SLC8A1: variants seen among roughly 807,000 people sequenced by gnomAD.
SLC8A1 encodes sodium/calcium exchanger 1.
Under a neutral mutation model 68.3 loss-of-function variants are expected in SLC8A1, and 18 were observed. The ratio of observed to expected loss-of-function variants is 0.26; its 90% CI spans 0.18 to 0.39. The LOEUF (loss-of-function observed/expected upper bound fraction) is 0.39, where lower values mean the gene tolerates loss of function less well. SLC8A1 is among the 10% of genes least tolerant of loss of function. The pLI is 1.00. For synonymous variants in SLC8A1, 475 were observed against 415.5 expected, an observed-to-expected ratio of 1.14 and a Z score of -1.74; for missense variants, 985 against 1,156.7, an observed-to-expected ratio of 0.85 and a Z score of 2.15.
intron 1 of SLC8A1, among the ~76,000 whole-genome samples, chr2:40,458,283 A>T (rs1433246713): frequency 6.6e-6 from 1 of 152,168 alleles, no homozygotes; most frequent in Non-Finnish European, 1.5e-5. Flanking sequence ...TGAGTCCCTA[A>T]GGGGCAGGTA....
exon 8 of SLC8A1, chr2:40,107,844 C>T (rs1381632969): frequency 6.6e-6 from 1 of 152,154 alleles, no homozygotes; most frequent in Non-Finnish European, 1.5e-5. Flanking sequence ...ATGTCTGATC[C>T]TCATATAAAC....
intron 2 of SLC8A1, among the ~76,000 whole-genome samples, chr2:40,286,151 T>C (rs1439692561): frequency 2.6e-5 from 4 of 152,190 alleles, no homozygotes; most frequent in African/African-American, 9.7e-5. Context: ...TCAATGAATA[T>C]AATTCCCTAC....
At chr2:40,427,358 G>A (rs781447576) in intron 2 of SLC8A1, among the ~76,000 whole-genome samples, 4 of 151,922 alleles carry the variant, frequency 2.6e-5, no homozygotes, top group South Asian at 2.1e-4. Context: ...TGCCATTATC[G>A]TAAGAGTTAA....
chr2:40,395,273 T>C (rs534725716), intron 2 of SLC8A1, among the ~76,000 whole-genome samples: 1 of 152,148 alleles, frequency 6.6e-6, no homozygotes, highest in Admixed American at 6.6e-5. Flanking sequence ...CCGGCCTGAG[T>C]CTCCTGACTG....
chr2:40,410,097 G>A (rs1431883233), intron 2 of SLC8A1, among the ~76,000 whole-genome samples: 1 of 152,120 alleles, frequency 6.6e-6, no homozygotes, highest in Admixed American at 6.6e-5. Context: ...AAAACTTTAT[G>A]TTTTAACTTT....
exon 8 of SLC8A1, chr2:40,105,695 G>A (rs2034151523): frequency 1.3e-5 from 2 of 152,168 alleles, no homozygotes; most frequent in East Asian, 3.9e-4. Context: ...TGATTGAGCT[G>A]CATGAATCTG....
At chr2:40,455,306 A>G (rs1445959311), upstream of SLC8A1, among the ~76,000 whole-genome samples, 3 of 152,190 alleles carry the variant, frequency 2.0e-5, no homozygotes, top group Non-Finnish European at 4.4e-5. Flanking sequence ...TTACTAAAGC[A>G]CTCAATATGT....
At chr2:40,122,199 C>CACGT (rs1558434047) in intron 7 of SLC8A1, among the ~76,000 whole-genome samples, 3 of 90,168 alleles carry the variant, frequency 3.3e-5, no homozygotes, top group South Asian at 3.8e-4. Context: ...CAAGTGCATG[C>CACGT]GCGCGCGCAC....
chr2:40,177,804 G>A, exon 3 of SLC8A1: 1 of 1,551,216 alleles, frequency 6.4e-7, no homozygotes, highest in Non-Finnish European at 8.7e-7. Context: ...GGGAGAAACT[G>A]CACTCTTTCT....
At position 40,320,315 on chromosome 2, in the gene SLC8A1, G is replaced by A. The variant is rs573769657; in HGVS notation, c.1808+108158C>T. Among the ~76,000 whole-genome samples, 5 of 152,100 alleles carry A rather than the reference G, an allele frequency of 3.3e-5. No homozygotes were observed. In the East Asian group the frequency reaches 9.7e-4, roughly 29 times the overall value. Reference sequence around the variant, plus strand: ...TAAAATATAGATTAAATATTAGCCAGGGAACAGGGGTCAACCTTGTCCTCC... The same window carrying A: ...TAAAATATAGATTAAATATTAGCCAAGGAACAGGGGTCAACCTTGTCCTCC... On this transcript the variant is annotated intron_variant, in intron 2 of 7. Transcript: ENST00000406785.
chr2:40,273,803 G>C (rs1206947661), intron 2 of SLC8A1, among the ~76,000 whole-genome samples: 1 of 151,926 alleles, frequency 6.6e-6, no homozygotes, highest in Non-Finnish European at 1.5e-5. Context: ...CTCACTAAGG[G>C]GCACTTGCAC....
At chr2:40,294,883 A>C (rs888223537) in intron 2 of SLC8A1, among the ~76,000 whole-genome samples, 3 of 152,170 alleles carry the variant, frequency 2.0e-5, no homozygotes, top group Admixed American at 6.6e-5. Flanking sequence ...CTATAGTCAC[A>C]TGTACGTATA....
intron 2 of SLC8A1, among the ~76,000 whole-genome samples, chr2:40,374,959 G>A (rs1470145060): frequency 6.6e-6 from 1 of 152,040 alleles, no homozygotes; most frequent in African/African-American, 2.4e-5. Flanking sequence ...ACCAAAGCTA[G>A]CTTCATCAGT....
chr2:40,321,427 C>T (rs1001966185), intron 2 of SLC8A1, among the ~76,000 whole-genome samples: 3 of 152,006 alleles, frequency 2.0e-5, no homozygotes, highest in East Asian at 1.9e-4. Context: ...TAAACAGACC[C>T]GAAGGCTCTC....
chr2:40,394,703 G>A (rs1208329474), intron 2 of SLC8A1, among the ~76,000 whole-genome samples: 1 of 151,926 alleles, frequency 6.6e-6, no homozygotes, highest in Non-Finnish European at 1.5e-5. Flanking sequence ...AGTGCCTGTT[G>A]CCATAGTAAT....
In SLC8A1 at chr2:40,229,133, T is replaced by C. The variant is rs966340560; in HGVS notation, c.1809-51278A>G. ...TGATTTCTAGCTTTCATTTTGACCA[T>C]GTCCCTAAAAGCTGTTTACCTGGCT... On this transcript the variant is annotated intron_variant, in intron 2 of 7. Coordinates refer to ENST00000406785, the Ensembl canonical transcript of SLC8A1. 3.3e-5 allele frequency among the ~76,000 whole-genome samples: 5 copies of C among 152,258 alleles called. No individual in the cohort carries two copies. The South Asian group carries it at 6.2e-4, about 19-fold the overall frequency.
intron 1 of SLC8A1, among the ~76,000 whole-genome samples, chr2:40,510,211 T>C (rs1706630958): frequency 6.6e-6 from 1 of 152,188 alleles, no homozygotes; most frequent in Non-Finnish European, 1.5e-5. Context: ...TTCTTTAAGA[T>C]TTTCTAGATG....
chr2:40,219,560 C>T (rs993439568), intron 2 of SLC8A1, among the ~76,000 whole-genome samples: 1 of 152,176 alleles, frequency 6.6e-6, no homozygotes, highest in African/African-American at 2.4e-5. Flanking sequence ...CATGTAGTTT[C>T]CTTCAGCGAT....
exon 8 of SLC8A1, chr2:40,115,280 C>T (rs760417000): frequency 6.2e-7 from 1 of 1,612,772 alleles, no homozygotes. Context: ...GGCAGTAGGC[C>T]TCCAGGGAGG....
Sources: allele counts gnomAD v4.1 joint callset (sites outside exome capture counted in the v4.1 genomes callset), GRCh38; gene constraint gnomAD v4.1.1; transcripts MANE v1.5; gene names NCBI Gene and HGNC (gene_info 2026-07-23, HGNC 2026-07-21).